PCDHA11: variants seen among roughly 807,000 people sequenced by gnomAD.
PCDHA11 encodes the protein protocadherin alpha-11.
In PCDHA11, 61 loss-of-function variants were observed where a neutral mutation model predicts 70.3. That is an observed-to-expected ratio of 0.87 (90% confidence interval 0.71 to 1.07). PCDHA11 has a LOEUF of 1.07. Among genes scored for constraint, PCDHA11 ranks in the 50% least tolerant of loss-of-function variants. The pLI is 0.00. For missense variants in PCDHA11, 1,324 were observed against 1,237.5 expected (o/e 1.07, Z -1.05); for synonymous variants, 633 against 555.1 (o/e 1.14, Z -1.97).
chr5:140,933,441 C>T (rs1197059199), intron 1 of PCDHA11, among the ~76,000 whole-genome samples: 1 of 151,990 alleles, frequency 6.6e-6, no homozygotes, highest in African/African-American at 2.4e-5. Flanking sequence ...ACTCTAATGA[C>T]ATACCTTCAA....
chr5:140,967,472 G>C (rs782183935), intron 1 of PCDHA11: 3 of 1,613,430 alleles, frequency 1.9e-6, no homozygotes, highest in Non-Finnish European at 2.5e-6. Flanking sequence ...GGGCATCCCA[G>C]CCCGCTCGGG....
At chr5:140,982,439 G>T in intron 2 of PCDHA11, 36 bp from the exon 3 acceptor site, 1 of 1,613,560 alleles carries the variant, frequency 6.2e-7, no homozygotes, top group Non-Finnish European at 8.5e-7. Context: ...AAGAATTTAT[G>T]ATCTAACCGT....
chr5:140,957,188 C>A (rs374236292), intron 1 of PCDHA11, among the ~76,000 whole-genome samples: 1 of 151,992 alleles, frequency 6.6e-6, no homozygotes, highest in Middle Eastern at 3.4e-3. Flanking sequence ...TATTGATGAC[C>A]GATTGGGAAT....
intron 1 of PCDHA11, among the ~76,000 whole-genome samples, chr5:140,893,033 A>G (rs1246631946): frequency 1.3e-5 from 2 of 152,230 alleles, no homozygotes; most frequent in African/African-American, 2.4e-5. Flanking sequence ...TTCACTTAAC[A>G]TATGCCCTCC....
At chr5:140,897,485 A>G (rs1189975695) in intron 1 of PCDHA11, among the ~76,000 whole-genome samples, 2 of 151,884 alleles carry the variant, frequency 1.3e-5, no homozygotes, top group African/African-American at 4.8e-5. Flanking sequence ...GATGATTTCC[A>G]ATTTCAACCA....
Position 140,916,977 on chromosome 5 carries a change from T to A in PCDHA11, c.2391+45483T>A, listed in dbSNP as rs569550595. Among the ~76,000 whole-genome samples the A allele has an allele frequency of 2.6e-5, 4 of 152,302 alleles. No individual in the cohort carries two copies. In the South Asian group the frequency reaches 8.3e-4, roughly 32 times the overall value. On this transcript the variant is annotated intron_variant, in intron 1 of 3. Transcript: ENST00000398640. ...AGTTCTGACTGCTGGGATGAGTGAT[T>A]CGCCTCTGGCCAGGCCTGTTCCAAA...
At chr5:140,905,251 A>G (rs1382207700) in intron 1 of PCDHA11, among the ~76,000 whole-genome samples, 4 of 152,174 alleles carry the variant, frequency 2.6e-5, no homozygotes, top group East Asian at 1.9e-4. Context: ...ATTCTTCCAC[A>G]TGAGGCTTGG....
intron 3 of PCDHA11, among the ~76,000 whole-genome samples, chr5:140,985,438 C>T (rs1438547429): frequency 2.0e-5 from 3 of 152,038 alleles, no homozygotes; most frequent in Non-Finnish European, 2.9e-5. Flanking sequence ...TTAGTTGCTG[C>T]CTGAAGAAAA....
rs10071369 is a variant in PCDHA11, at chr5:140,869,699, C to T, written c.596C>T (p.Ser199Phe). ...AGACTGTCACTTATTTTAAAGAAGT[C>T]TCTGGATAGAGAGAAAACTCCGGAA... ...IKRLSLILKK[S>F]LDREKTPELN... The change falls in exon 1 of 4, where the codon TCT (serine) becomes TTT (phenylalanine). Residue 199 changes from serine (S) to phenylalanine (F), a missense_variant. By Grantham distance (155) the Ser-to-Phe change is radical. Coordinates refer to ENST00000398640, the MANE Select transcript of PCDHA11 (RefSeq NM_018902.5). 1 of 1,613,378 alleles carries T rather than the reference C, an allele frequency of 6.2e-7. No individual in the cohort carries two copies. The highest frequency in any genetic ancestry group is 2.2e-5 in the East Asian group (1 of 44,882).
chr5:140,930,084 A>T (rs1350674790), intron 1 of PCDHA11: 2 of 152,142 alleles, frequency 1.3e-5, no homozygotes, highest in Non-Finnish European at 2.9e-5. Flanking sequence ...CTCTCATAAC[A>T]TCTATTTATA....
At chr5:140,912,116 C>G (rs2075772929) in intron 1 of PCDHA11, among the ~76,000 whole-genome samples, 1 of 152,188 alleles carries the variant, frequency 6.6e-6, no homozygotes, top group Non-Finnish European at 1.5e-5. Context: ...GGCTGGGAGG[C>G]TAAGTCAGTC....
intron 1 of PCDHA11, among the ~76,000 whole-genome samples, chr5:140,961,366 C>T (rs1384222732): frequency 6.6e-6 from 1 of 152,144 alleles, no homozygotes; most frequent in Non-Finnish European, 1.5e-5. Context: ...CATTAGAATT[C>T]TCCTTCTAGT....
chr5:140,922,326 G>A (rs2080778185), intron 1 of PCDHA11, among the ~76,000 whole-genome samples: 1 of 152,212 alleles, frequency 6.6e-6, no homozygotes, highest in Admixed American at 6.5e-5. Context: ...ATCTTGGAAA[G>A]GGTTGGTATA....
intron 3 of PCDHA11, among the ~76,000 whole-genome samples, chr5:140,997,131 C>G (rs577407385): frequency 6.6e-6 from 1 of 152,008 alleles, no homozygotes; most frequent in Admixed American, 6.6e-5. Flanking sequence ...ACACAATGCC[C>G]CCACACCCCC....
chr5:140,999,011 A>G (rs2097843002), intron 3 of PCDHA11, among the ~76,000 whole-genome samples: 1 of 152,246 alleles, frequency 6.6e-6, no homozygotes, highest in Non-Finnish European at 1.5e-5. Flanking sequence ...CTGAGATTTG[A>G]ACCCAAGACT....
chr5:140,896,486 C>T (rs2065571972), intron 1 of PCDHA11, among the ~76,000 whole-genome samples: 2 of 151,948 alleles, frequency 1.3e-5, no homozygotes, highest in African/African-American at 4.8e-5. Context: ...CCTCAGCCTC[C>T]TGAGTAGCTG....
Position 140,869,469 on chromosome 5 carries a change from G to T in PCDHA11, c.366G>T (p.Glu122Asp). 1 of 1,614,210 alleles carries T rather than the reference G, an allele frequency of 6.2e-7. No individual in the cohort carries two copies. The highest frequency in any genetic ancestry group is 8.5e-7 in the Non-Finnish European group (1 of 1,180,040). The change falls in exon 1 of 4, where the codon GAG becomes GAT. Residue 122 changes from glutamate to aspartate, a missense_variant. Glu to Asp is a conservative substitution (Grantham distance 45). Transcript: ENST00000398640. ...TGCAGGTTTTCCATGTGAACGTGGA[G>T]GTGAAGGACATTAACGACAACCCGC... is the stretch of plus-strand genomic sequence containing the variant. ...RPLQVFHVNV[E>D]VKDINDNPPV...
chr5:140,927,077 G>C (rs568623488), intron 1 of PCDHA11: 29 of 1,610,728 alleles, frequency 1.8e-5, no homozygotes, highest in Non-Finnish European at 2.5e-5. Flanking sequence ...TCCAGCCACC[G>C]CGAGCTCTAC....
chr5:140,968,132 A>G, intron 1 of PCDHA11: 1 of 1,614,082 alleles, frequency 6.2e-7, no homozygotes, highest in Non-Finnish European at 8.5e-7. Flanking sequence ...GCGTACACTG[A>G]AGGTTGAGAT....
Sources: gnomAD v4.1 joint callset for allele counts (sites outside exome capture counted in the v4.1 genomes callset) on GRCh38, gnomAD v4.1.1 for gene constraint, MANE v1.5 for transcripts, NCBI Gene and HGNC (gene_info 2026-07-23, HGNC 2026-07-21) for gene names.